Variants in ABLIM1 observed in about 807,000 individuals in gnomAD.
The protein encoded by ABLIM1 is actin-binding LIM protein 1.
A neutral mutation model predicts 107.0 loss-of-function variants in ABLIM1; 40 were observed. That is an observed-to-expected ratio of 0.37 (90% CI 0.29 to 0.49). ABLIM1 has a LOEUF of 0.49. Among genes scored for constraint, ABLIM1 ranks in the 20% least tolerant of loss-of-function variants. ABLIM1 has a pLI of 0.97. For synonymous variants in ABLIM1, 357 were observed against 357.3 expected, an observed-to-expected ratio of 1.00 and a Z score of 0.01; for missense variants, 857 against 1,008.5, an observed-to-expected ratio of 0.85 and a Z score of 2.04.
upstream of ABLIM1, among the ~76,000 whole-genome samples, chr10:114,687,361 C>T (rs1318546137): frequency 6.6e-6 from 1 of 152,166 alleles, no homozygotes; most frequent in East Asian, 1.9e-4. Flanking sequence ...AGATAATTTC[C>T]ATCACAGTTT....
At chr10:114,641,797 G>A (rs1182211075) in intron 1 of ABLIM1, among the ~76,000 whole-genome samples, 1 of 152,200 alleles carries the variant, frequency 6.6e-6, no homozygotes, top group African/African-American at 2.4e-5. Context: ...TCAGGAGGCA[G>A]ACAGCAGGAG....
At chr10:114,728,690 A>G (rs997426164) in intron 1 of ABLIM1, among the ~76,000 whole-genome samples, 1 of 152,054 alleles carries the variant, frequency 6.6e-6, no homozygotes, top group African/African-American at 2.4e-5. Flanking sequence ...GTTCGTCTAC[A>G]TATATATGTG....
the ABLIM1 span, among the ~76,000 whole-genome samples, chr10:114,797,165 A>T: frequency 6.6e-6 from 1 of 152,128 alleles, no homozygotes; most frequent in Non-Finnish European, 1.5e-5. Flanking sequence ...ACCTCCAAAA[A>T]ATTGTCACAT....
chr10:114,670,063 C>G (rs2080185338), intron 1 of ABLIM1, among the ~76,000 whole-genome samples: 1 of 152,156 alleles, frequency 6.6e-6, no homozygotes, highest in African/African-American at 2.4e-5. Context: ...GCTAGTACCT[C>G]CTTGAAGGCC....
intron 6 of ABLIM1, among the ~76,000 whole-genome samples, chr10:114,524,621 G>A (rs2136649756): frequency 6.6e-6 from 1 of 152,188 alleles, no homozygotes; most frequent in Non-Finnish European, 1.5e-5. Flanking sequence ...TTACAGAAGG[G>A]AAAAGTATGG....
chr10:114,750,433 AG>A, intron 1 of ABLIM1, among the ~76,000 whole-genome samples: 1 of 152,368 alleles, frequency 6.6e-6, no homozygotes, highest in East Asian at 1.9e-4. Flanking sequence ...AAGAAACACT[AG>A]GAAATAGATT....
At chr10:114,605,216 A>G (rs544999368) in intron 1 of ABLIM1, among the ~76,000 whole-genome samples, 12 of 152,224 alleles carry the variant, frequency 7.9e-5, no homozygotes, top group Non-Finnish European at 1.3e-4. Flanking sequence ...CAAGAAAGGA[A>G]TATCTCTCCT....
chr10:114,649,737 A>G (rs75729656), intron 1 of ABLIM1, among the ~76,000 whole-genome samples: 2,009 of 152,106 alleles, frequency 0.013, 57 homozygotes, highest in African/African-American at 0.046. Flanking sequence ...CTGACCACGT[A>G]TTCACCTTAT....
At chr10:114,508,362 T>C (rs928382837) in intron 6 of ABLIM1, among the ~76,000 whole-genome samples, 1 of 152,172 alleles carries the variant, frequency 6.6e-6, no homozygotes, top group African/African-American at 2.4e-5. Context: ...AAAGGACCTT[T>C]AAGATACATT....
intron 1 of ABLIM1, among the ~76,000 whole-genome samples, chr10:114,763,887 C>T (rs1040236884): frequency 4.6e-5 from 7 of 152,186 alleles, no homozygotes; most frequent in African/African-American, 1.7e-4. Context: ...GAAGAAGAGG[C>T]TTTGTATCAG....
the ABLIM1 span, among the ~76,000 whole-genome samples, chr10:114,791,665 A>G: frequency 1.2e-4 from 18 of 152,050 alleles, no homozygotes; most frequent in African/African-American, 3.9e-4. Flanking sequence ...CAAGAAAACA[A>G]AACAACAACA....
chr10:114,762,054 G>C (rs2082760657), intron 1 of ABLIM1, among the ~76,000 whole-genome samples: 1 of 149,108 alleles, frequency 6.7e-6, no homozygotes, highest in African/African-American at 2.5e-5. Flanking sequence ...TTTTTTTTGA[G>C]ATGGAGTCTC....
At chr10:114,582,764 G>A (rs1247109299) in intron 2 of ABLIM1, among the ~76,000 whole-genome samples, 1 of 152,132 alleles carries the variant, frequency 6.6e-6, no homozygotes, top group African/African-American at 2.4e-5. Context: ...ATGGAGGAAA[G>A]GACTCTCTAT....
At chr10:114,492,575 A>C (rs1241257139) in intron 6 of ABLIM1, among the ~76,000 whole-genome samples, 4 of 152,216 alleles carry the variant, frequency 2.6e-5, no homozygotes, top group Non-Finnish European at 4.4e-5. Context: ...GGATACAGGG[A>C]CAATTTTCTA....
upstream of ABLIM1, among the ~76,000 whole-genome samples, chr10:114,770,520 C>T (rs1161508397): frequency 1.3e-5 from 2 of 152,194 alleles, no homozygotes; most frequent in African/African-American, 4.8e-5. Context: ...CAGTGTCCTC[C>T]TCCCCACCCA....
intron 6 of ABLIM1, among the ~76,000 whole-genome samples, chr10:114,511,163 T>C (rs1249319568): frequency 1.3e-5 from 2 of 152,016 alleles, no homozygotes; most frequent in African/African-American, 4.8e-5. Flanking sequence ...AAGAATGAAA[T>C]GTTAAATTCT....
chr10:114,650,031 T>A (rs2079174084), intron 1 of ABLIM1, among the ~76,000 whole-genome samples: 1 of 151,970 alleles, frequency 6.6e-6, no homozygotes, highest in Admixed American at 6.6e-5. Flanking sequence ...AATTTTTGTA[T>A]TTTTTAGTAG....
At chr10:114,776,282 T>C in the ABLIM1 span, 3 of 152,178 alleles carry the variant, frequency 2.0e-5, no homozygotes, top group Non-Finnish European at 4.4e-5. Context: ...CTTACTGTTG[T>C]ACCTTTGAAG....
chr10:114,611,463 C>T (rs2076804388), intron 1 of ABLIM1, among the ~76,000 whole-genome samples: 1 of 119,514 alleles, frequency 8.4e-6, no homozygotes, highest in African/African-American at 2.7e-5. Flanking sequence ...AGGTGAGACT[C>T]TGCCTAGAAA....
Sources: allele counts gnomAD v4.1 joint callset (sites outside exome capture counted in the v4.1 genomes callset), GRCh38; gene constraint gnomAD v4.1.1; transcripts MANE v1.5; gene names NCBI Gene and HGNC (gene_info 2026-07-23, HGNC 2026-07-21).